The following CSMD1 variants were observed in gnomAD, a reference collection of about 807,000 sequenced individuals.
The protein encoded by CSMD1 is CUB and sushi domain-containing protein 1.
Under a neutral mutation model 417.5 loss-of-function variants are expected in CSMD1, and 213 were observed. The observed-to-expected ratio is 0.51, with a 90% confidence interval of 0.46 to 0.57. The LOEUF is 0.57. CSMD1 is among the 20% of genes least tolerant of loss of function. The pLI, the probability that CSMD1 is intolerant of heterozygous loss-of-function variation, is 0.00. For missense variants in CSMD1, 6,923 were observed against 4,529.7 expected (o/e 1.53, Z -15.17); for synonymous variants, 2,862 against 1,736.8 (o/e 1.65, Z -16.11).
chr8:4,067,780 C>G (rs750837051), intron 3 of CSMD1, among the ~76,000 whole-genome samples: 6 of 152,124 alleles, frequency 3.9e-5, no homozygotes, highest in Non-Finnish European at 5.9e-5. Context: ...TTCCTGTAAA[C>G]AGAATTACTA....
chr8:4,099,053 T>C (rs1345383181), intron 3 of CSMD1, among the ~76,000 whole-genome samples: 1 of 152,280 alleles, frequency 6.6e-6, no homozygotes, highest in South Asian at 2.1e-4. Flanking sequence ...ATGTGACACA[T>C]CTGTTTTTTT....
chr8:3,956,834 T>A (rs570408024), intron 5 of CSMD1, among the ~76,000 whole-genome samples: 49 of 152,198 alleles, frequency 3.2e-4, no homozygotes, highest in African/African-American at 1.0e-3. Flanking sequence ...GAAGAGAGAA[T>A]GTTGGTGGCT....
chr8:3,369,243 T>G lies in CSMD1; in HGVS notation c.2899+11A>C, dbSNP rs1307914734. 1 of 1,331,040 alleles carries G rather than the reference T, an allele frequency of 7.5e-7. No homozygotes were observed. Among genetic ancestry groups the G allele is most frequent in the Non-Finnish European group, 1.1e-6 (1 of 926,048 alleles). 82.5% of individuals were successfully genotyped at this position (1,331,040 alleles called of 1,614,324 possible). On this transcript the variant is annotated intron_variant, in intron 19 of 69. Coordinates refer to ENST00000635120, the MANE Select transcript of CSMD1 (RefSeq NM_033225.6). ...TAGTCTGTATGTTTGAGACCTATGA[T>G]AGATTCTTACCTTTCCCATGAGACA...
rs76879889 is a variant in CSMD1, at chr8:3,734,915, A to G, written c.931+19015T>C. On this transcript the variant is annotated intron_variant, in intron 6 of 69. Transcript: ENST00000635120. ...CAATTTTCCGTTTCCAGTTAGAGACATAACTCTTCTTTTACTTCATCCAAA... is the reference window on the plus strand; with the variant it reads ...CAATTTTCCGTTTCCAGTTAGAGACGTAACTCTTCTTTTACTTCATCCAAA... 7.9e-4 allele frequency among the ~76,000 whole-genome samples: 121 copies of G among 152,320 alleles called. No individual in the cohort carries two copies. In the East Asian group the frequency reaches 0.019, roughly 24 times the overall value.
intron 7 of CSMD1, among the ~76,000 whole-genome samples, chr8:3,661,445 T>C (rs1798411309): frequency 6.6e-6 from 1 of 152,174 alleles, no homozygotes; most frequent in African/African-American, 2.4e-5. Context: ...CTGAATCTGC[T>C]GTGATTCTAG....
At chr8:4,046,825 C>T (rs940431580) in intron 3 of CSMD1, among the ~76,000 whole-genome samples, 1 of 152,122 alleles carries the variant, frequency 6.6e-6, no homozygotes, top group East Asian at 1.9e-4. Context: ...ACTCTAAGCG[C>T]CAGGCACTTC....
rs76886942 is a variant in CSMD1, at chr8:3,685,266, T to C, written c.1009+23148A>G. ...TAAAATAAAGTTGCCTCAGGGCTAA[T>C]TGTACCCATTACGTTGAGTTTAATG... On this transcript the variant is annotated intron_variant, in intron 7 of 69. Transcript: ENST00000635120. Among the ~76,000 whole-genome samples, 196 of 152,334 alleles carry C rather than the reference T, an allele frequency of 1.3e-3. 2 individuals carry two copies. In the East Asian group the frequency reaches 0.036, roughly 28 times the overall value.
At chr8:3,380,761 G>A (rs575643208) in intron 18 of CSMD1, among the ~76,000 whole-genome samples, 2 of 152,070 alleles carry the variant, frequency 1.3e-5, no homozygotes, top group Non-Finnish European at 2.9e-5. Flanking sequence ...GGCTAGGGGA[G>A]GCATAGCATT....
intron 1 of CSMD1, among the ~76,000 whole-genome samples, chr8:4,736,541 G>T (rs1281695817): frequency 6.6e-6 from 1 of 152,166 alleles, no homozygotes; most frequent in Non-Finnish European, 1.5e-5. Context: ...CATGACAGCT[G>T]CGGGAAAACC....
chr8:3,232,183 A>G (rs2116918073), intron 26 of CSMD1, among the ~76,000 whole-genome samples: 1 of 152,324 alleles, frequency 6.6e-6, no homozygotes, highest in African/African-American at 2.4e-5. Flanking sequence ...TTTTATGTTT[A>G]TCATTCCCTT....
At chr8:3,785,010 C>T (rs899401828) in intron 5 of CSMD1, among the ~76,000 whole-genome samples, 1 of 152,154 alleles carries the variant, frequency 6.6e-6, no homozygotes, top group African/African-American at 2.4e-5. Flanking sequence ...TCTAGCTAAA[C>T]AGTTATAAGT....
intron 5 of CSMD1, among the ~76,000 whole-genome samples, chr8:3,757,915 A>G (rs971510724): frequency 5.9e-5 from 9 of 152,094 alleles, no homozygotes; most frequent in African/African-American, 2.2e-4. Flanking sequence ...TAAACAGATG[A>G]TGCATAGCAG....
chr8:4,377,308 C>T (rs1437902889), intron 3 of CSMD1, among the ~76,000 whole-genome samples: 3 of 152,184 alleles, frequency 2.0e-5, no homozygotes, highest in African/African-American at 7.2e-5. Context: ...GAAGTCACCA[C>T]AGCCCAAAAC....
intron 2 of CSMD1, among the ~76,000 whole-genome samples, chr8:4,429,042 T>C (rs1563163741): frequency 6.6e-6 from 1 of 151,822 alleles, no homozygotes; most frequent in African/African-American, 2.4e-5. Flanking sequence ...TTAATAAGAG[T>C]TTTACATACT....
chr8:4,192,442 C>A (rs571014112), intron 3 of CSMD1, among the ~76,000 whole-genome samples: 3 of 152,120 alleles, frequency 2.0e-5, no homozygotes, highest in Non-Finnish European at 4.4e-5. Flanking sequence ...ATACCTTCCT[C>A]TGTGTGGCTC....
intron 50 of CSMD1, among the ~76,000 whole-genome samples, chr8:3,035,871 T>C (rs1563262530): frequency 6.6e-6 from 1 of 152,190 alleles, no homozygotes; most frequent in Non-Finnish European, 1.5e-5. Context: ...GGCTACCTTC[T>C]ATTACCTTAA....
chr8:3,806,402 T>C (rs553667740), intron 5 of CSMD1, among the ~76,000 whole-genome samples: 2 of 152,312 alleles, frequency 1.3e-5, no homozygotes, highest in Admixed American at 6.5e-5. Context: ...CAAAAGCGTG[T>C]GTGAAGCCCT....
chr8:3,286,013 T>A (rs1803126684), intron 25 of CSMD1, among the ~76,000 whole-genome samples: 1 of 152,090 alleles, frequency 6.6e-6, no homozygotes, highest in African/African-American at 2.4e-5. Flanking sequence ...TGTGTGATGT[T>A]CCCCTTCCTG....
chr8:3,241,841 T>C (rs1453550258), intron 26 of CSMD1, among the ~76,000 whole-genome samples: 1 of 152,074 alleles, frequency 6.6e-6, no homozygotes, highest in Non-Finnish European at 1.5e-5. Flanking sequence ...TCTATTCTAT[T>C]ATTGTACACC....
Sources: gnomAD v4.1 joint callset for allele counts (sites outside exome capture counted in the v4.1 genomes callset) on GRCh38, gnomAD v4.1.1 for gene constraint, MANE v1.5 for transcripts, NCBI Gene and HGNC (gene_info 2026-07-23, HGNC 2026-07-21) for gene names.